ADAMTSL3: variants seen among roughly 807,000 people sequenced by gnomAD.
The protein encoded by ADAMTSL3 is ADAMTS like 3.
Under a neutral mutation model 201.7 loss-of-function variants are expected in ADAMTSL3, and 128 were observed. The ratio of observed to expected loss-of-function variants is 0.63; its 90% CI spans 0.55 to 0.73. The LOEUF is 0.73. Among genes scored for constraint, ADAMTSL3 ranks in the 30% least tolerant of loss-of-function variants. The probability of loss-of-function intolerance (pLI) is 0.00; values close to 1 mark genes in which losing one functional copy is unlikely to be tolerated. For synonymous variants in ADAMTSL3, 738 were observed against 748.4 expected, an observed-to-expected ratio of 0.99 and a Z score of 0.23; for missense variants, 1,990 against 2,119.6, an observed-to-expected ratio of 0.94 and a Z score of 1.20.
chr15:83,905,046 T>G (rs1231634340), intron 15 of ADAMTSL3, among the ~76,000 whole-genome samples: 1 of 152,224 alleles, frequency 6.6e-6, no homozygotes, highest in Admixed American at 6.5e-5. Flanking sequence ...GAGGAGGTGC[T>G]ATTCTTATTT....
At chr15:83,741,430 CAT>C (rs1209681786) in intron 3 of ADAMTSL3, among the ~76,000 whole-genome samples, 3 of 151,956 alleles carry the variant, frequency 2.0e-5, no homozygotes, top group African/African-American at 7.3e-5. Context: ...TGAAATTCAA[CAT>C]AGAACACTAC....
rs1471348742 is a variant in ADAMTSL3 at position 83,773,618 on chromosome 15, A to G, written c.285A>G (p.Ala95=). 3 of 1,611,624 alleles carry G rather than the reference A, an allele frequency of 1.9e-6. No individual in the cohort carries two copies. The highest frequency in any genetic ancestry group is 2.5e-6 in the Non-Finnish European group (3 of 1,179,472). ...GCTCCCGGACCTGTGGGGGAGGAGCATCATATTCTCTGCGGAGATGTTTGA... is the reference window on the plus strand; with the variant it reads ...GCTCCCGGACCTGTGGGGGAGGAGCGTCATATTCTCTGCGGAGATGTTTGA... ...SDCSRTCGGG[A]SYSLRRCLTG... The change falls in exon 4 of 30, where the codon GCA becomes GCG. Residue 95 remains alanine, a synonymous_variant. Coordinates refer to ENST00000286744, the MANE Select transcript of ADAMTSL3 (RefSeq NM_207517.3).
intron 28 of ADAMTSL3, among the ~76,000 whole-genome samples, chr15:84,034,760 T>C (rs1238781011): frequency 6.6e-6 from 1 of 152,146 alleles, no homozygotes; most frequent in Non-Finnish European, 1.5e-5. Flanking sequence ...GCCGTCAGAA[T>C]CAGCAGTTCC....
intron 2 of ADAMTSL3, among the ~76,000 whole-genome samples, chr15:83,681,284 T>C (rs2061473166): frequency 6.6e-6 from 1 of 152,170 alleles, no homozygotes. Flanking sequence ...CAGAGGAAAA[T>C]AGAAAATGTG....
intron 2 of ADAMTSL3, among the ~76,000 whole-genome samples, chr15:83,700,029 G>A (rs1335236306): frequency 6.6e-6 from 1 of 152,074 alleles, no homozygotes; most frequent in Non-Finnish European, 1.5e-5. Context: ...CATGAAAATA[G>A]GAACCTGATC....
At position 84,016,445 on chromosome 15, in the gene ADAMTSL3, G is replaced by A; in HGVS notation, c.4219G>A (p.Ala1407Thr). ...LQGHKKYILQATNTRTNSNDP... is the reference protein window; with the variant it reads ...LQGHKKYILQTTNTRTNSNDP... ...AGGACATAAAAAGTACATTCTCCAG[G>A]CAACCAACACTAGAACCAACAGCAA... is the stretch of plus-strand genomic sequence containing the variant. Residue 1407 changes from alanine (A) to threonine (T), a missense_variant, in exon 25 of 30, where the codon GCA becomes ACA. Transcript: ENST00000286744. The A allele has an allele frequency of 6.2e-7, 1 of 1,613,932 alleles. No individual in the cohort carries two copies. Among genetic ancestry groups the A allele is most frequent in the Non-Finnish European group, 8.5e-7 (1 of 1,179,966 alleles).
intron 15 of ADAMTSL3, among the ~76,000 whole-genome samples, chr15:83,907,080 C>G (rs1815172): frequency 1.4e-5 from 2 of 139,612 alleles, no homozygotes; most frequent in Admixed American, 7.2e-5. Flanking sequence ...GGTGACAGAG[C>G]AAGACCCTGT....
intron 9 of ADAMTSL3, among the ~76,000 whole-genome samples, chr15:83,878,854 T>G (rs2065224681): frequency 6.6e-6 from 1 of 152,210 alleles, no homozygotes; most frequent in South Asian, 2.1e-4. Flanking sequence ...TTCCTCTTAT[T>G]CTCTGCAATA....
chr15:83,690,749 A>G (rs896129344), intron 2 of ADAMTSL3, among the ~76,000 whole-genome samples: 9 of 152,208 alleles, frequency 5.9e-5, no homozygotes, highest in African/African-American at 2.2e-4. Context: ...GGCTAGCACC[A>G]GACAAGACGC....
intron 6 of ADAMTSL3, among the ~76,000 whole-genome samples, chr15:83,824,256 C>G (rs971009826): frequency 5.3e-5 from 8 of 151,946 alleles, no homozygotes; most frequent in Non-Finnish European, 1.0e-4. Context: ...CTATGTTACT[C>G]AGCTGGCCTT....
intron 3 of ADAMTSL3, among the ~76,000 whole-genome samples, chr15:83,759,955 TTC>T (rs2062782946): frequency 6.6e-6 from 1 of 152,164 alleles, no homozygotes; most frequent in African/African-American, 2.4e-5. Context: ...TTAGTGACTT[TTC>T]TCTCTTATTC....
At chr15:83,676,279 T>C (rs1025308341) in intron 2 of ADAMTSL3, among the ~76,000 whole-genome samples, 1 of 152,238 alleles carries the variant, frequency 6.6e-6, no homozygotes, top group African/African-American at 2.4e-5. Context: ...CAAAATTTGA[T>C]ATGTTTTACT....
At chr15:83,910,943 G>A (rs1218149294) in intron 15 of ADAMTSL3, among the ~76,000 whole-genome samples, 1 of 152,126 alleles carries the variant, frequency 6.6e-6, no homozygotes, top group Middle Eastern at 3.4e-3. Context: ...CCTGGCCAAG[G>A]TGAACTTTCT....
chr15:84,033,298 C>G (rs532313089), intron 28 of ADAMTSL3, among the ~76,000 whole-genome samples: 2 of 152,104 alleles, frequency 1.3e-5, no homozygotes, highest in Admixed American at 6.6e-5. Flanking sequence ...CCCTGCTAGA[C>G]TAAAATTACT....
At chr15:83,840,523 C>T (rs928011014) in intron 7 of ADAMTSL3, among the ~76,000 whole-genome samples, 2 of 152,224 alleles carry the variant, frequency 1.3e-5, no homozygotes, top group East Asian at 1.9e-4. Flanking sequence ...TGGAGAACAC[C>T]GTGAGGTGTT....
rs115893854 is a variant in ADAMTSL3 at position 83,713,170 on chromosome 15, T to C, written c.189+8662T>C. Among the ~76,000 whole-genome samples the C allele has an allele frequency of 8.7e-3, 1,330 of 152,288 alleles. 20 individuals carry two copies. Among genetic ancestry groups the C allele is most frequent in the African/African-American group, 0.03 (1,253 of 41,558 alleles). ...CAGGTTCTCTACAACTTGGTGTCTTTCTCTGTCTTAGATGGCCTTCTGAGC... is the reference window on the plus strand; with the variant it reads ...CAGGTTCTCTACAACTTGGTGTCTTCCTCTGTCTTAGATGGCCTTCTGAGC... On this transcript the variant is annotated intron_variant, in intron 3 of 29. Coordinates refer to ENST00000286744, the MANE Select transcript of ADAMTSL3 (RefSeq NM_207517.3).
At chr15:83,694,043 AAT>A (rs1219259106) in intron 2 of ADAMTSL3, among the ~76,000 whole-genome samples, 2 of 152,242 alleles carry the variant, frequency 1.3e-5, no homozygotes, top group African/African-American at 4.8e-5. Context: ...GCTGTGGGAA[AAT>A]ACATGCTTCA....
intron 14 of ADAMTSL3, 87 bp downstream of exon 14, chr15:83,898,092 T>C (rs926445549): frequency 5.6e-6 from 8 of 1,427,174 alleles, no homozygotes; most frequent in Non-Finnish European, 7.6e-6. Context: ...TTCAACTTAC[T>C]ACTTTCTTAT....
In ADAMTSL3 at chr15:83,858,827, A is replaced by G. The variant is rs1463927140; in HGVS notation, c.789A>G (p.Gly263=). Reference sequence around the variant, plus strand: ...GAAGTGTGAGAATTACAGTGAAAGGACCTGCCCACCTCTGTAAGTAGAATT... The same window carrying G: ...GAAGTGTGAGAATTACAGTGAAAGGGCCTGCCCACCTCTGTAAGTAGAATT... ...GSRSVRITVK[G]PAHLFIESKT... is the part of the protein sequence containing the mutation. The change falls in exon 8 of 30, where the codon GGA becomes GGG. Residue 263 remains glycine, a synonymous_variant. Coordinates refer to ENST00000286744, the MANE Select transcript of ADAMTSL3 (RefSeq NM_207517.3). 1.9e-6 allele frequency: 3 copies of G among 1,611,182 alleles called. No homozygotes were observed. Among genetic ancestry groups the G allele is most frequent in the Admixed American group, 1.7e-5 (1 of 59,918 alleles).
Sources: gnomAD v4.1 joint callset for allele counts (sites outside exome capture counted in the v4.1 genomes callset) on GRCh38, gnomAD v4.1.1 for gene constraint, MANE v1.5 for transcripts, NCBI Gene and HGNC (gene_info 2026-07-23, HGNC 2026-07-21) for gene names.